The following CNTN5 variants were observed in gnomAD, a reference collection of about 807,000 sequenced individuals.
CNTN5 encodes the protein contactin 5, also known as contactin-5.
Under a neutral mutation model 129.1 loss-of-function variants are expected in CNTN5, and 77 were observed. The ratio of observed to expected loss-of-function variants is 0.60; its 90% confidence interval spans 0.50 to 0.72. The LOEUF (loss-of-function observed/expected upper bound fraction) is 0.72. Ranked by LOEUF, CNTN5 falls within the 30% of genes least tolerant of loss-of-function variation. The probability of loss-of-function intolerance (pLI) is 0.00; values close to 1 mark genes in which losing one functional copy is unlikely to be tolerated. For missense variants in CNTN5, 1,478 were observed against 1,328.8 expected (o/e 1.11, Z -1.75); for synonymous variants, 509 against 465.6 (o/e 1.09, Z -1.20).
rs7480134 is a variant in CNTN5 at position 99,133,461 on chromosome 11, A to T, written c.-210+112191A>T. On this transcript the variant is annotated intron_variant, in intron 1 of 24. Coordinates refer to ENST00000524871, the MANE Select transcript of CNTN5 (RefSeq NM_014361.4). ...TAGCAAAAGAAACTATCATCAGGGC[A>T]AACAGACAACCTACAGATTGGGAGA... Among the ~76,000 whole-genome samples the T allele has an allele frequency of 9.0e-3, 1,371 of 151,718 alleles. 28 individuals carry two copies. Among genetic ancestry groups the T allele is most frequent in the African/African-American group, 0.032 (1,317 of 41,382 alleles).
chr11:100,162,372 G>A (rs1175952403), intron 13 of CNTN5, among the ~76,000 whole-genome samples: 3 of 151,852 alleles, frequency 2.0e-5, no homozygotes, highest in Admixed American at 1.3e-4. Context: ...AACTAGCAAT[G>A]TTTTGTTAGC....
chr11:99,088,546 G>A (rs767038066), intron 1 of CNTN5, among the ~76,000 whole-genome samples: 3 of 152,084 alleles, frequency 2.0e-5, no homozygotes, highest in Admixed American at 6.6e-5. Context: ...TTGTAGTAAC[G>A]ATTCACCAAA....
chr11:99,727,831 C>T (rs1438697884), intron 3 of CNTN5, among the ~76,000 whole-genome samples: 1 of 152,052 alleles, frequency 6.6e-6, no homozygotes, highest in Non-Finnish European at 1.5e-5. Flanking sequence ...AATATTAGCT[C>T]GTGCTTATCT....
chr11:99,094,023 T>C lies in CNTN5; in HGVS notation c.-210+72753T>C, dbSNP rs533795084. ...AATATAGTAGAAATATTTCTGAACATTAATGATTTCTACCCAATTAGATAC... is the reference window on the plus strand; with the variant it reads ...AATATAGTAGAAATATTTCTGAACACTAATGATTTCTACCCAATTAGATAC... On this transcript the variant is annotated intron_variant, in intron 1 of 24. Coordinates refer to ENST00000524871, the MANE Select transcript of CNTN5 (RefSeq NM_014361.4). Among the ~76,000 whole-genome samples the C allele has an allele frequency of 7.1e-4, 108 of 152,114 alleles. 1 individual carries two copies. The highest frequency in any genetic ancestry group is 2.5e-3 in the African/African-American group (104 of 41,552).
At chr11:99,055,416 A>T (rs1444599612) in intron 1 of CNTN5, among the ~76,000 whole-genome samples, 3 of 152,050 alleles carry the variant, frequency 2.0e-5, no homozygotes, top group Non-Finnish European at 4.4e-5. Flanking sequence ...CCAACTCAAT[A>T]TAATTAACTG....
At chr11:99,750,681 C>T (rs1332846676) in intron 3 of CNTN5, among the ~76,000 whole-genome samples, 4 of 152,196 alleles carry the variant, frequency 2.6e-5, no homozygotes, top group South Asian at 2.1e-4. Context: ...CCTTAAGAGA[C>T]AGAAGAATTA....
Position 99,057,709 on chromosome 11 carries a change from G to A in CNTN5, c.-210+36439G>A, listed in dbSNP as rs973870878. On this transcript the variant is annotated intron_variant, in intron 1 of 24. Transcript: ENST00000524871. The stretch of plus-strand genomic sequence containing the variant: ...TGAAAAAAAGAAGTGGAAAAAAAGT[G>A]CCCACTGTAATAGAGCTTATATCCT... 3.3e-5 allele frequency among the ~76,000 whole-genome samples: 5 copies of A among 151,820 alleles called. No individual in the cohort carries two copies. In the East Asian group the frequency reaches 5.8e-4, roughly 18 times the overall value.
intron 1 of CNTN5, among the ~76,000 whole-genome samples, chr11:99,119,462 A>T (rs1350439524): frequency 1.3e-5 from 2 of 152,134 alleles, no homozygotes; most frequent in Non-Finnish European, 2.9e-5. Context: ...CCTTCAAAGG[A>T]CATGATCTCA....
At chr11:99,871,954 CA>C in intron 6 of CNTN5, among the ~76,000 whole-genome samples, 1 of 151,248 alleles carries the variant, frequency 6.6e-6, no homozygotes, top group South Asian at 2.1e-4. Context: ...ACAAATGCCA[CA>C]TTAATATTGT....
intron 21 of CNTN5, among the ~76,000 whole-genome samples, chr11:100,332,600 T>G (rs1951927279): frequency 6.6e-6 from 1 of 151,664 alleles, no homozygotes; most frequent in African/African-American, 2.4e-5. Flanking sequence ...AAAAAGATAA[T>G]ACACCATGAT....
chr11:99,798,900 G>A (rs1251595324), intron 3 of CNTN5, among the ~76,000 whole-genome samples: 1 of 152,118 alleles, frequency 6.6e-6, no homozygotes, highest in Non-Finnish European at 1.5e-5. Context: ...TAATGAGCAT[G>A]GAATGTTTTT....
intron 2 of CNTN5, among the ~76,000 whole-genome samples, chr11:99,343,210 G>A (rs1446598401): frequency 1.3e-5 from 2 of 152,128 alleles, no homozygotes. Flanking sequence ...TTGAGGATGT[G>A]TACTCTGGAA....
At chr11:99,735,861 C>G (rs965938509) in intron 3 of CNTN5, among the ~76,000 whole-genome samples, 1 of 152,138 alleles carries the variant, frequency 6.6e-6, no homozygotes, top group Non-Finnish European at 1.5e-5. Flanking sequence ...ACTACAGTCA[C>G]GTTGCTGTAC....
chr11:100,082,266 T>C (rs972707929), intron 13 of CNTN5, among the ~76,000 whole-genome samples: 1 of 152,042 alleles, frequency 6.6e-6, no homozygotes, highest in Non-Finnish European at 1.5e-5. Flanking sequence ...AAAAAACAGA[T>C]ATATTGTAGA....
chr11:99,776,785 A>G (rs1029760389), intron 3 of CNTN5, among the ~76,000 whole-genome samples: 2 of 151,736 alleles, frequency 1.3e-5, no homozygotes, highest in Admixed American at 1.3e-4. Context: ...AAACTCAATG[A>G]CAATTAAAAA....
intron 4 of CNTN5, 71 bp downstream of exon 4, chr11:99,819,836 A>G (rs1258249537): frequency 3.1e-6 from 3 of 968,682 alleles, no homozygotes; most frequent in South Asian, 1.4e-5. Context: ...TACTGTTGCA[A>G]CAGAGATCAA....
rs553755617 is a variant in CNTN5, at chr11:100,038,797, C to CT, written c.981-22408dup. On this transcript the variant is annotated intron_variant, in intron 9 of 24. Transcript: ENST00000524871. ...CAGAGACTAGGATTGCAACCCCTGC[C>CT]TTTTTTTGTTTTCCATTTGCTTGAT... Among the ~76,000 whole-genome samples the CT allele has an allele frequency of 7.3e-4, 111 of 152,020 alleles. 1 individual carries two copies. The highest frequency in any genetic ancestry group is 2.6e-3 in the African/African-American group (106 of 41,468).
At chr11:99,799,553 T>C (rs1168274653) in intron 3 of CNTN5, among the ~76,000 whole-genome samples, 2 of 151,996 alleles carry the variant, frequency 1.3e-5, no homozygotes, top group African/African-American at 4.8e-5. Context: ...CATTTACTGA[T>C]TTGTGTAAGC....
At chr11:100,008,174 A>G (rs567617825) in intron 9 of CNTN5, among the ~76,000 whole-genome samples, 12 of 152,182 alleles carry the variant, frequency 7.9e-5, no homozygotes, top group African/African-American at 2.9e-4. Context: ...AACAGACATA[A>G]TAAAAAATTG....
Sources: allele counts gnomAD v4.1 joint callset (sites outside exome capture counted in the v4.1 genomes callset), GRCh38; gene constraint gnomAD v4.1.1; transcripts MANE v1.5; gene names NCBI Gene and HGNC (gene_info 2026-07-23, HGNC 2026-07-21).